The following MYO16 variants were observed in gnomAD, a reference collection of about 807,000 sequenced individuals.
The protein encoded by MYO16 is myosin XVI.
Under a neutral mutation model 205.3 loss-of-function variants are expected in MYO16, and 94 were observed. The observed-to-expected ratio is 0.46, with a 90% CI of 0.39 to 0.54. The LOEUF (loss-of-function observed/expected upper bound fraction) is 0.54, where lower values mean the gene tolerates loss of function less well. Among genes scored for constraint, MYO16 ranks in the 20% least tolerant of loss-of-function variants. The probability of loss-of-function intolerance (pLI) is 0.00; values close to 1 mark genes in which losing one functional copy is unlikely to be tolerated. For missense variants in MYO16, 2,315 were observed against 2,387.5 expected, an observed-to-expected ratio of 0.97 and a Z score of 0.63; for synonymous variants, 988 against 954.0, an observed-to-expected ratio of 1.04 and a Z score of -0.66.
chr13:108,951,229 C>T (rs963100618), intron 16 of MYO16, among the ~76,000 whole-genome samples: 1 of 152,198 alleles, frequency 6.6e-6, no homozygotes, highest in African/African-American at 2.4e-5. Context: ...GATGGGTGCT[C>T]AGATTCTTCC....
At chr13:108,961,690 A>T in intron 18 of MYO16, 34 bp downstream of exon 18, 1 of 1,509,882 alleles carries the variant, frequency 6.6e-7, no homozygotes, top group Non-Finnish European at 9.2e-7. Flanking sequence ...CATTAACCAC[A>T]TTGATGTGCA....
chr13:108,631,347 C>T (rs1594158559), intron 1 of MYO16, among the ~76,000 whole-genome samples: 1 of 152,164 alleles, frequency 6.6e-6, no homozygotes, highest in Non-Finnish European at 1.5e-5. Context: ...ATTCAGGGAG[C>T]AGTTGGTCAC....
At chr13:108,787,386 C>T (rs763228478) in intron 5 of MYO16, among the ~76,000 whole-genome samples, 1 of 152,082 alleles carries the variant, frequency 6.6e-6, no homozygotes, top group East Asian at 1.9e-4. Context: ...TTTAGCTGTG[C>T]CAGTTCTATG....
At chr13:108,524,173 G>C in the MYO16 span, among the ~76,000 whole-genome samples, 1 of 151,918 alleles carries the variant, frequency 6.6e-6, no homozygotes, top group African/African-American at 2.4e-5. Context: ...GGCAGTGTGC[G>C]CCTGTAGTCC....
At chr13:108,992,875 A>G (rs557150164) in intron 21 of MYO16, among the ~76,000 whole-genome samples, 1 of 152,310 alleles carries the variant, frequency 6.6e-6, no homozygotes, top group South Asian at 2.1e-4. Flanking sequence ...ACATAGGACT[A>G]TTGGAAAATC....
At chr13:109,200,683 CT>C (rs529830670) in intron 34 of MYO16, among the ~76,000 whole-genome samples, 1,936 of 134,670 alleles carry the variant, frequency 0.014, 8 homozygotes, top group South Asian at 0.032. Context: ...GGATCTGGGA[CT>C]TTTTTTTTTT....
Position 109,140,212 on chromosome 13 carries a change from G to A in MYO16, c.4052-52G>A. On this transcript the variant is annotated intron_variant, in intron 31 of 34. Transcript: ENST00000457511. This position sits in a 1 kb window ranked among gnomAD's most constrained non-coding sequence, Gnocchi z 8.0. The stretch of plus-strand genomic sequence containing the variant: ...CCGAGTCGAGCCCCGGGCTTGGTGG[G>A]CACCCGTGGGCCTGGCCTGGCACCC... 6.3e-7 allele frequency: 1 copy of A among 1,580,976 alleles called. No individual in the cohort carries two copies. The highest frequency in any genetic ancestry group is 8.5e-7 in the Non-Finnish European group (1 of 1,171,718).
intron 21 of MYO16, among the ~76,000 whole-genome samples, chr13:109,004,568 G>A (rs1885326708): frequency 6.6e-6 from 1 of 152,046 alleles, no homozygotes. Flanking sequence ...TTGAACAGTA[G>A]GGATGCCATT....
chr13:109,135,138 C>T (rs1313425965), intron 31 of MYO16, among the ~76,000 whole-genome samples: 1 of 152,180 alleles, frequency 6.6e-6, no homozygotes, highest in Non-Finnish European at 1.5e-5. Context: ...CCCACACAAG[C>T]AAAATGCATC....
At chr13:108,581,857 C>A in the MYO16 span, among the ~76,000 whole-genome samples, 1 of 123,958 alleles carries the variant, frequency 8.1e-6, no homozygotes, top group East Asian at 2.3e-4. Context: ...CCAGCCTGGG[C>A]AACAGAAGCG....
At position 109,029,117 on chromosome 13, in the gene MYO16, T is replaced by TTC. The variant is rs3042906; in HGVS notation, c.2796+9207_2796+9208insCT. Among the ~76,000 whole-genome samples, 1,254 of 125,966 alleles carry TTC rather than the reference T, an allele frequency of 1.0e-2. 28 individuals carry two copies. The highest frequency in any genetic ancestry group is 0.031 in the African/African-American group (1,161 of 37,178). The allele number at this position is 125,966 out of a possible 152,430, so 82.6% of individuals were successfully genotyped here. ...CTTTAAACATTTTTTCTTTTCTTTT[T>TTC]TTTTTTTTTTTTTTGAGATGGAGTT... On this transcript the variant is annotated intron_variant, in intron 23 of 34. Transcript: ENST00000457511.
At chr13:108,957,886 C>T (rs1883437138) in intron 17 of MYO16, 87 bp downstream of exon 17, 2 of 1,042,046 alleles carry the variant, frequency 1.9e-6, no homozygotes, top group South Asian at 1.4e-5. Flanking sequence ...TTACTGAGCC[C>T]CTATGACATT....
the MYO16 span, among the ~76,000 whole-genome samples, chr13:108,509,677 T>C: frequency 2.6e-5 from 4 of 152,300 alleles, no homozygotes; most frequent in South Asian, 8.3e-4. Flanking sequence ...AGAATAGCAT[T>C]AGAAGATATA....
intron 16 of MYO16, among the ~76,000 whole-genome samples, chr13:108,940,848 G>A (rs374632920): frequency 1.5e-4 from 23 of 151,068 alleles, no homozygotes; most frequent in Non-Finnish European, 2.8e-4. Context: ...ATTTGTGCCA[G>A]TTAATCCACA....
rs1467997370 is a variant in MYO16 at position 109,072,637 on chromosome 13, AC to A, written c.3335+17044del. 7.9e-5 allele frequency among the ~76,000 whole-genome samples: 12 copies of A among 152,060 alleles called. No individual in the cohort carries two copies. In the South Asian group the frequency reaches 2.3e-3, roughly 29 times the overall value. ...CTCACACAACCCAAGCATTCTTCAGACCAAATTATTTAAATCAGTGCCTCTC... is the reference window on the plus strand; with the variant it reads ...CTCACACAACCCAAGCATTCTTCAGACAAATTATTTAAATCAGTGCCTCTC... On this transcript the variant is annotated intron_variant, in intron 27 of 34. Coordinates refer to ENST00000457511, the MANE Select transcript of MYO16 (RefSeq NM_001198950.3).
intron 24 of MYO16, 72 bp from the exon 25 acceptor site, chr13:109,052,228 T>A: frequency 3.0e-6 from 4 of 1,341,178 alleles, no homozygotes; most frequent in Non-Finnish European, 4.2e-6. Flanking sequence ...AGAGCTCTTG[T>A]ATGAAGAATA....
chr13:108,672,326 G>A (rs1227107779), intron 2 of MYO16, among the ~76,000 whole-genome samples: 1 of 152,070 alleles, frequency 6.6e-6, no homozygotes, highest in Non-Finnish European at 1.5e-5. Flanking sequence ...AAAAAAAATT[G>A]CCATAAGAAA....
At chr13:109,146,853 A>G (rs1169734216) in intron 32 of MYO16, among the ~76,000 whole-genome samples, 1 of 151,920 alleles carries the variant, frequency 6.6e-6, no homozygotes, top group African/African-American at 2.4e-5. Context: ...GAGAAAGAAA[A>G]AAAGAAAGAG....
chr13:108,778,260 A>T (rs878538), intron 4 of MYO16, among the ~76,000 whole-genome samples: 51,625 of 152,074 alleles, frequency 0.34, 9,966 homozygotes, highest in East Asian at 0.63. Flanking sequence ...ACATCTCCTC[A>T]GTCACAGGAG....
Sources: allele counts gnomAD v4.1 joint callset (sites outside exome capture counted in the v4.1 genomes callset), GRCh38; gene constraint gnomAD v4.1.1; non-coding constraint Gnocchi (gnomAD v3.1); transcripts MANE v1.5; gene names NCBI Gene and HGNC (gene_info 2026-07-23, HGNC 2026-07-21).